Variants in NAV2 observed in about 807,000 individuals in gnomAD.
NAV2 encodes the protein helicase, APC down-regulated 1.
In NAV2, 54 loss-of-function variants were observed where a neutral mutation model predicts 223.2. The observed-to-expected ratio is 0.24, with a 90% CI of 0.19 to 0.30. The LOEUF (loss-of-function observed/expected upper bound fraction) is 0.30, where lower values mean the gene tolerates loss of function less well. NAV2 is among the 10% of genes least tolerant of loss of function. The pLI is 1.00. For synonymous variants in NAV2, 1,279 were observed against 1,239.3 expected, an observed-to-expected ratio of 1.03 and a Z score of -0.67; for missense variants, 2,806 against 3,147.5, an observed-to-expected ratio of 0.89 and a Z score of 2.60.
chr11:19,614,426 T>G (rs2046734570), intron 1 of NAV2, among the ~76,000 whole-genome samples: 1 of 152,098 alleles, frequency 6.6e-6, no homozygotes, highest in Non-Finnish European at 1.5e-5. Flanking sequence ...AATTAATAAA[T>G]TTTATTGTAT....
chr11:20,023,706 G>A (rs1317960691), intron 11 of NAV2, among the ~76,000 whole-genome samples: 1 of 149,420 alleles, frequency 6.7e-6, no homozygotes, highest in Non-Finnish European at 1.5e-5. Flanking sequence ...CTGGGTGTGT[G>A]TGTGTGTGTG....
At chr11:19,611,378 C>A (rs1412502362) in intron 1 of NAV2, among the ~76,000 whole-genome samples, 2 of 152,108 alleles carry the variant, frequency 1.3e-5, no homozygotes, top group Non-Finnish European at 2.9e-5. Context: ...TCATTCCTTC[C>A]CGACAGTCCC....
At chr11:19,855,661 G>T (rs955112518) in intron 3 of NAV2, among the ~76,000 whole-genome samples, 3 of 152,194 alleles carry the variant, frequency 2.0e-5, no homozygotes, top group African/African-American at 7.2e-5. Context: ...GACTACTTGT[G>T]CATGCTTCTA....
chr11:19,745,568 G>T (rs2053267658), intron 1 of NAV2, among the ~76,000 whole-genome samples: 1 of 151,910 alleles, frequency 6.6e-6, no homozygotes, highest in African/African-American at 2.4e-5. Flanking sequence ...GGGGTAGCCG[G>T]CTATCACAGA....
intron 1 of NAV2, among the ~76,000 whole-genome samples, chr11:19,769,384 T>C (rs1443637728): frequency 6.6e-6 from 1 of 152,162 alleles, no homozygotes; most frequent in African/African-American, 2.4e-5. Flanking sequence ...GCACTTGAAG[T>C]TTTCCTTTGC....
intron 1 of NAV2, among the ~76,000 whole-genome samples, chr11:19,824,357 T>A (rs559386651): frequency 4.6e-5 from 7 of 152,304 alleles, no homozygotes; most frequent in Admixed American, 3.3e-4. Flanking sequence ...CCCACAAATG[T>A]CCCAAGTAAT....
At chr11:20,033,566 G>A (rs2056009134) in intron 11 of NAV2, among the ~76,000 whole-genome samples, 1 of 152,238 alleles carries the variant, frequency 6.6e-6, no homozygotes, top group East Asian at 1.9e-4. Flanking sequence ...GGACCCTTGT[G>A]GATTCATTCA....
At chr11:19,476,036 G>A (rs1010005239) in intron 1 of NAV2, among the ~76,000 whole-genome samples, 9 of 152,068 alleles carry the variant, frequency 5.9e-5, no homozygotes, top group Admixed American at 2.6e-4. Flanking sequence ...GTGCAGCGGC[G>A]GGATCTTGGC....
At position 19,701,799 on chromosome 11, in the gene NAV2, G is replaced by A. The variant is rs568548417; in HGVS notation, c.76-130685G>A. On this transcript the variant is annotated intron_variant, in intron 1 of 37. Transcript: ENST00000360655. Reference sequence around the variant, plus strand: ...CTGTGTATTTTGTTTTTTTCCACCCGTGAAGCTCTGAGGTTTTATTTGCCT... The same window carrying A: ...CTGTGTATTTTGTTTTTTTCCACCCATGAAGCTCTGAGGTTTTATTTGCCT... Among the ~76,000 whole-genome samples the A allele has an allele frequency of 5.3e-5, 8 of 152,148 alleles. No homozygotes were observed. The East Asian group carries it at 7.7e-4, about 15-fold the overall frequency.
At chr11:19,660,187 C>G (rs1003156078) in intron 1 of NAV2, among the ~76,000 whole-genome samples, 4 of 152,136 alleles carry the variant, frequency 2.6e-5, no homozygotes, top group Admixed American at 1.3e-4. Context: ...CAGAAAATAT[C>G]AGGTTTGGTA....
intron 1 of NAV2, among the ~76,000 whole-genome samples, chr11:19,817,007 T>C (rs921442490): frequency 1.3e-5 from 2 of 152,074 alleles, no homozygotes; most frequent in African/African-American, 4.8e-5. Context: ...CAGTCGGCTG[T>C]GTAATCTTTC....
chr11:19,404,426 C>A (rs183791848), intron 1 of NAV2, among the ~76,000 whole-genome samples: 1 of 152,112 alleles, frequency 6.6e-6, no homozygotes, highest in Non-Finnish European at 1.5e-5. Context: ...TGCCTCACTG[C>A]GAATAAGCAT....
intron 1 of NAV2, among the ~76,000 whole-genome samples, chr11:19,720,922 G>A (rs1385870720): frequency 1.3e-5 from 2 of 152,198 alleles, no homozygotes; most frequent in Non-Finnish European, 2.9e-5. Context: ...GGAGAAGATA[G>A]TACCTGCTGT....
chr11:19,347,873 G>T (rs935344549), upstream of NAV2, among the ~76,000 whole-genome samples: 2 of 152,086 alleles, frequency 1.3e-5, no homozygotes, highest in Non-Finnish European at 2.9e-5. Flanking sequence ...TTTACATCAG[G>T]GCATACTCTC....
intron 1 of NAV2, among the ~76,000 whole-genome samples, chr11:19,623,644 G>T (rs919899935): frequency 6.6e-6 from 1 of 152,158 alleles, no homozygotes; most frequent in African/African-American, 2.4e-5. Context: ...CTCTACACTG[G>T]TTATTCCAGT....
intron 1 of NAV2, among the ~76,000 whole-genome samples, chr11:19,480,288 A>G (rs1055171995): frequency 4.0e-5 from 6 of 151,844 alleles, no homozygotes; most frequent in African/African-American, 1.5e-4. Flanking sequence ...TTCTTGAAGC[A>G]TCTTTGAGGC....
At chr11:20,021,196 A>G (rs1226631525) in intron 11 of NAV2, among the ~76,000 whole-genome samples, 2 of 152,176 alleles carry the variant, frequency 1.3e-5, no homozygotes, top group East Asian at 3.8e-4. Context: ...CATTTATTTT[A>G]TAGTTCTACC....
At chr11:19,980,629 G>C (rs1039796062) in intron 10 of NAV2, among the ~76,000 whole-genome samples, 5 of 152,322 alleles carry the variant, frequency 3.3e-5, no homozygotes, top group African/African-American at 1.2e-4. Flanking sequence ...AAACACACCC[G>C]TGGCTGCTTC....
intron 3 of NAV2, among the ~76,000 whole-genome samples, chr11:19,846,382 C>G (rs2060812301): frequency 6.6e-6 from 1 of 152,154 alleles, no homozygotes; most frequent in South Asian, 2.1e-4. Context: ...GTACAACAGA[C>G]TCATAGGCAC....
Sources: gnomAD v4.1 joint callset for allele counts (sites outside exome capture counted in the v4.1 genomes callset) on GRCh38, gnomAD v4.1.1 for gene constraint, MANE v1.5 for transcripts, NCBI Gene and HGNC (gene_info 2026-07-23, HGNC 2026-07-21) for gene names.